Variants in FAM149B1 observed in about 807,000 individuals in gnomAD.
The protein encoded by FAM149B1 is primary cilium assembly protein FAM149B1.
Under a neutral mutation model 75.3 loss-of-function variants are expected in FAM149B1, and 56 were observed. The ratio of observed to expected loss-of-function variants is 0.74; its 90% CI spans 0.60 to 0.93. The LOEUF (loss-of-function observed/expected upper bound fraction) is 0.93. FAM149B1 is among the 40% of genes least tolerant of loss of function. The pLI, the probability that FAM149B1 is intolerant of heterozygous loss-of-function variation, is 0.00. For missense variants in FAM149B1, 639 were observed against 708.4 expected (o/e 0.90, Z 1.11); for synonymous variants, 259 against 256.1 (o/e 1.01, Z -0.11).
chr10:73,168,533 G>A (rs568588315), intron 1 of FAM149B1, 147 bp downstream of exon 1: 3 of 966,766 alleles, frequency 3.1e-6, no homozygotes, highest in Admixed American at 6.3e-5. Flanking sequence ...GCTGGACCCT[G>A]CCCCTTCTTC....
chr10:73,210,020 C>T (rs1046760657), intron 6 of FAM149B1, among the ~76,000 whole-genome samples: 3 of 152,216 alleles, frequency 2.0e-5, no homozygotes, highest in Non-Finnish European at 4.4e-5. Context: ...TGAGCTAGAA[C>T]TGGAAGCAGA....
intron 12 of FAM149B1, among the ~76,000 whole-genome samples, chr10:73,238,217 C>G (rs2043865966): frequency 6.6e-6 from 1 of 152,082 alleles, no homozygotes; most frequent in Non-Finnish European, 1.5e-5. Context: ...CATGGTGGTG[C>G]ATGCCTGTAA....
At chr10:73,179,289 CA>C (rs2042338427) in intron 3 of FAM149B1, among the ~76,000 whole-genome samples, 1 of 151,838 alleles carries the variant, frequency 6.6e-6, no homozygotes, top group Non-Finnish European at 1.5e-5. Context: ...TATCTTTTTT[CA>C]ATCTGTATTT....
chr10:73,221,662 T>C (rs2043417366), intron 7 of FAM149B1, among the ~76,000 whole-genome samples: 1 of 152,190 alleles, frequency 6.6e-6, no homozygotes, highest in African/African-American at 2.4e-5. Flanking sequence ...TTTAACTTCA[T>C]AGATTTGTAG....
At position 73,243,345 on chromosome 10, in the gene FAM149B1, C is replaced by G. The variant is rs1314774041; in HGVS notation, c.*2326C>G. The stretch of plus-strand genomic sequence containing the variant: ...TTTTGCCTTCAAATCCTGCCTGCAC[C>G]TTGCCTACGATGGCATCAATTTACA... On this transcript the variant is annotated 3_prime_UTR_variant, in exon 14 of 14. Transcript: ENST00000242505. 2.5e-6 allele frequency: 4 copies of G among 1,602,112 alleles called. No individual in the cohort carries two copies. Among genetic ancestry groups the G allele is most frequent in the Admixed American group, 3.4e-5 (2 of 59,444 alleles).
chr10:73,228,755 T>C (rs1477982303), intron 8 of FAM149B1, among the ~76,000 whole-genome samples: 2 of 152,036 alleles, frequency 1.3e-5, no homozygotes, highest in Admixed American at 1.3e-4. Flanking sequence ...GCACCACCAC[T>C]CGGCTGATTT....
At position 73,199,197 on chromosome 10, in the gene FAM149B1, T is replaced by TTTGTTGTTGTTGTTGTTGTTG. The variant is rs3998310; in HGVS notation, c.542+5623_542+5643dup. Among the ~76,000 whole-genome samples the TTTGTTGTTGTTGTTGTTGTTG allele has an allele frequency of 3.4e-5, 5 of 146,454 alleles. No homozygotes were observed. The South Asian group carries it at 6.6e-4, about 19-fold the overall frequency. ...TTAGGTAAGATAACTGTTATCCTTT[T>TTTGTTGTTGTTGTTGTTGTTG]TTGTTGTTGTTGTTGTTGTTGTTGT... On this transcript the variant is annotated intron_variant, in intron 5 of 13. Coordinates refer to ENST00000242505, the MANE Select transcript of FAM149B1 (RefSeq NM_173348.2).
At position 73,232,989 on chromosome 10, in the gene FAM149B1, C is replaced by A; in HGVS notation, c.1178C>A (p.Ser393Ter). Residue 393 changes from serine to a stop codon, truncating the protein, a stop_gained, in exon 10 of 14, where the codon TCA becomes TAA. Transcript: ENST00000242505. LOFTEE classifies it high-confidence loss of function. ...LMRPGSSTILSTRNWPNRAVE... is the reference protein window; with the variant it reads ...LMRPGSSTIL ...AGGCCTGGGTCCAGTACCATCCTTT[C>A]AACTCGAAATTGGCCAAATCGAGCT... is the stretch of plus-strand genomic sequence containing the variant. 6.4e-7 allele frequency: 1 copy of A among 1,552,046 alleles called. No individual in the cohort carries two copies. The highest frequency in any genetic ancestry group is 8.7e-7 in the Non-Finnish European group (1 of 1,146,968).
In FAM149B1 at chr10:73,168,312, G is replaced by T; in HGVS notation, c.-28G>T. On this transcript the variant is annotated 5_prime_UTR_variant, in exon 1 of 14. Transcript: ENST00000242505. ...CGTGCCTGCCCCGGCCGCGGCTGAG[G>T]AGGAGGAGGAGGAGGAGGAGGAGGA... 2 of 1,473,480 alleles carry T rather than the reference G, an allele frequency of 1.4e-6. No individual in the cohort carries two copies. The highest frequency in any genetic ancestry group is 1.3e-5 in the South Asian group (1 of 79,748). The allele number at this position is 1,473,480 out of a possible 1,614,324, so 91.3% of individuals were successfully genotyped here.
intron 7 of FAM149B1, among the ~76,000 whole-genome samples, chr10:73,225,239 C>T (rs1266251671): frequency 6.6e-6 from 1 of 152,192 alleles, no homozygotes; most frequent in Non-Finnish European, 1.5e-5. Flanking sequence ...AAAATAGCCT[C>T]AGGTAGGTCC....
chr10:73,239,320 A>G lies in FAM149B1; in HGVS notation c.1611A>G (p.Thr537=), dbSNP rs1279537452. 1.3e-6 allele frequency: 2 copies of G among 1,551,606 alleles called. No homozygotes were observed. Among genetic ancestry groups the G allele is most frequent in the South Asian group, 2.4e-5 (2 of 84,054 alleles). ...CCTCTTTTGTCTTGTAGCTGGATAC[A>G]CAGTATCGTCGCTCATGTGCAGTTG... ...PNTTQSFLLD[T]QYRRSCAVEY... The change falls in exon 13 of 14, where the codon ACA becomes ACG. Residue 537 remains threonine, a synonymous_variant. Transcript: ENST00000242505.
intron 7 of FAM149B1, among the ~76,000 whole-genome samples, chr10:73,223,532 A>G (rs7913328): frequency 0.1 from 15,939 of 152,234 alleles, 1,213 homozygotes; most frequent in East Asian, 0.31. Flanking sequence ...TACTAGACGC[A>G]TAAGGGTAGA....
At position 73,241,138 on chromosome 10, in the gene FAM149B1, G is replaced by C. The variant is rs536479123; in HGVS notation, c.*119G>C. 6.1e-5 allele frequency: 43 copies of C among 705,890 alleles called. No homozygotes were observed. The highest frequency in any genetic ancestry group is 5.2e-4 in the African/African-American group (28 of 54,280). 43.7% of individuals were successfully genotyped at this position (705,890 alleles called of 1,614,324 possible). On this transcript the variant is annotated 3_prime_UTR_variant, in exon 14 of 14. Coordinates refer to ENST00000242505, the MANE Select transcript of FAM149B1 (RefSeq NM_173348.2). The stretch of plus-strand genomic sequence containing the variant: ...CGACTAGAAATCATCTTCATGAAGA[G>C]TGATTTTGGCACAAGTGACCGAAGA...
At chr10:73,225,126 C>T (rs11000552) in intron 7 of FAM149B1, among the ~76,000 whole-genome samples, 15,957 of 152,198 alleles carry the variant, frequency 0.1, 1,216 homozygotes, top group East Asian at 0.31. Context: ...CAATTATGTA[C>T]AGTACATATA....
At position 73,228,142 on chromosome 10, in the gene FAM149B1, G is replaced by T; in HGVS notation, c.981G>T (p.Pro327=). Residue 327 remains proline, a synonymous_variant, in exon 8 of 14, where the codon CCG becomes CCT. Coordinates refer to ENST00000242505, the MANE Select transcript of FAM149B1 (RefSeq NM_173348.2). ...GTGAACTACATCCTTTGGTGTTACC[G>T]CGAGTGCCACAGTCTAAGGTGCTGT... is the stretch of plus-strand genomic sequence containing the variant. ...VLSELHPLVL[P]RVPQSKVLYI... is the part of the protein sequence containing the mutation. 6.4e-7 allele frequency: 1 copy of T among 1,551,492 alleles called. No individual in the cohort carries two copies. The highest frequency in any genetic ancestry group is 8.7e-7 in the Non-Finnish European group (1 of 1,146,862).
At chr10:73,232,036 C>G (rs1415862489) in intron 9 of FAM149B1, among the ~76,000 whole-genome samples, 2 of 152,032 alleles carry the variant, frequency 1.3e-5, no homozygotes. Context: ...GTCCTCCAAG[C>G]ACGGTGCCAT....
chr10:73,194,875 G>A (rs943720711), intron 5 of FAM149B1, among the ~76,000 whole-genome samples: 2 of 151,706 alleles, frequency 1.3e-5, no homozygotes, highest in African/African-American at 2.4e-5. Flanking sequence ...GTAGAAACAG[G>A]GTTTCACCAT....
chr10:73,233,051 C>T lies in FAM149B1; in HGVS notation c.1240C>T (p.Gln414Ter). The T allele has an allele frequency of 1.3e-6, 2 of 1,551,542 alleles. No homozygotes were observed. Among genetic ancestry groups the T allele is most frequent in the Non-Finnish European group, 1.7e-6 (2 of 1,146,788 alleles). The change falls in exon 10 of 14, where the codon CAG becomes TAG. Residue 414 changes from glutamine to a stop codon, truncating the protein, a stop_gained. Coordinates refer to ENST00000242505, the MANE Select transcript of FAM149B1 (RefSeq NM_173348.2). LOFTEE classifies it high-confidence loss of function. ...FSTSSLSYTV[Q>*]STRRRNPPPR... ...TACATCATCTCTGTCATACACAGTG[C>T]AGTCCACCAGGAGACGCAATCCACC...
At chr10:73,200,936 A>G (rs187148738) in intron 5 of FAM149B1, 27 of 460,404 alleles carry the variant, frequency 5.9e-5, no homozygotes, top group African/African-American at 4.6e-4. Flanking sequence ...GACCAGAAGG[A>G]GAGAGATACT....
Sources: gnomAD v4.1 joint callset for allele counts (sites outside exome capture counted in the v4.1 genomes callset) on GRCh38, gnomAD v4.1.1 for gene constraint, MANE v1.5 for transcripts, NCBI Gene and HGNC (gene_info 2026-07-23, HGNC 2026-07-21) for gene names.